NELL1: variants seen among roughly 807,000 people sequenced by gnomAD.
NELL1 encodes neural EGFL like 1, also known as protein kinase C-binding protein NELL1.
In NELL1, 76 loss-of-function variants were observed where a neutral mutation model predicts 107.4. That is an observed-to-expected ratio of 0.71 (90% confidence interval 0.59 to 0.86). The LOEUF (loss-of-function observed/expected upper bound fraction) is 0.86. NELL1 is among the 40% of genes least tolerant of loss of function. The probability of loss-of-function intolerance (pLI) is 0.00; values close to 1 mark genes in which losing one functional copy is unlikely to be tolerated. For missense variants in NELL1, 1,024 were observed against 1,005.5 expected, an observed-to-expected ratio of 1.02 and a Z score of -0.25; for synonymous variants, 353 against 341.2, an observed-to-expected ratio of 1.03 and a Z score of -0.38.
intron 2 of NELL1, among the ~76,000 whole-genome samples, chr11:20,760,779 T>C (rs796950103): frequency 5.9e-5 from 9 of 152,252 alleles, no homozygotes; most frequent in African/African-American, 2.2e-4. Flanking sequence ...TTTTTATCTT[T>C]CTACTTTATT....
intron 15 of NELL1, among the ~76,000 whole-genome samples, chr11:21,461,713 C>G (rs1853904858): frequency 6.6e-6 from 1 of 152,176 alleles, no homozygotes; most frequent in East Asian, 1.9e-4. Flanking sequence ...GTTTAAGCAT[C>G]TTGCCTAAGC....
intron 3 of NELL1, among the ~76,000 whole-genome samples, chr11:20,803,732 T>C (rs1209633745): frequency 1.3e-5 from 2 of 152,196 alleles, no homozygotes; most frequent in African/African-American, 4.8e-5. Flanking sequence ...AGATTCAAAG[T>C]ATTGATCCTG....
At chr11:21,127,901 T>C (rs1256659089) in intron 13 of NELL1, among the ~76,000 whole-genome samples, 3 of 152,338 alleles carry the variant, frequency 2.0e-5, no homozygotes, top group Non-Finnish European at 2.9e-5. Flanking sequence ...GTTACTACAT[T>C]AGAGAAGTAT....
At chr11:21,312,101 A>C (rs1294904596) in intron 14 of NELL1, among the ~76,000 whole-genome samples, 1 of 152,282 alleles carries the variant, frequency 6.6e-6, no homozygotes, top group Admixed American at 6.6e-5. Context: ...CCCAGCCTCC[A>C]GAGAATTCAA....
intron 15 of NELL1, among the ~76,000 whole-genome samples, chr11:21,399,045 G>GAA (rs11450238): frequency 7.3e-5 from 11 of 149,908 alleles, no homozygotes; most frequent in South Asian, 2.1e-4. Flanking sequence ...TCTGAAGAAA[G>GAA]AAAAAAAAAA....
Position 20,857,231 on chromosome 11 carries a change from C to T in NELL1, c.506+9478C>T, listed in dbSNP as rs968169321. Among the ~76,000 whole-genome samples, 9 of 152,136 alleles carry T rather than the reference C, an allele frequency of 5.9e-5. No homozygotes were observed. In the Middle Eastern group the frequency reaches 0.01, roughly 172 times the overall value. On this transcript the variant is annotated intron_variant, in intron 4 of 19. Coordinates refer to ENST00000357134, the MANE Select transcript of NELL1 (RefSeq NM_006157.5). ...GAGCTGCAGAACCAGAGCAGGCAGC[C>T]GAGATAAAGGCAAACAGTGTGAGAG...
rs1850854455 is a variant in NELL1 at position 21,353,128 on chromosome 11, TAGTC to T, written c.1550-17722_1550-17719del. On this transcript the variant is annotated intron_variant, in intron 14 of 19. Coordinates refer to ENST00000357134, the MANE Select transcript of NELL1 (RefSeq NM_006157.5). ...ACTTCATTATAGCACCCTCAGGAAA[TAGTC>T]AGACAAGGCATCTTGCTTGATCCCT... Among the ~76,000 whole-genome samples, 4 of 152,070 alleles carry T rather than the reference TAGTC, an allele frequency of 2.6e-5. No individual in the cohort carries two copies. In the South Asian group the frequency reaches 6.2e-4, roughly 24 times the overall value.
intron 14 of NELL1, among the ~76,000 whole-genome samples, chr11:21,298,720 G>C (rs1432433394): frequency 6.6e-6 from 1 of 151,896 alleles, no homozygotes; most frequent in East Asian, 1.9e-4. Flanking sequence ...ATACCATCTG[G>C]ACCATTCGGT....
chr11:21,335,405 A>G (rs1028236985), intron 14 of NELL1, among the ~76,000 whole-genome samples: 4 of 151,956 alleles, frequency 2.6e-5, no homozygotes. Flanking sequence ...TATTTTATTT[A>G]GAGTGGGAAA....
chr11:21,514,283 C>T (rs1269720873), intron 15 of NELL1, among the ~76,000 whole-genome samples: 3 of 152,026 alleles, frequency 2.0e-5, no homozygotes, highest in African/African-American at 7.2e-5. Context: ...TTTTTAATTC[C>T]AAATTTTGTG....
At chr11:21,150,670 T>C (rs1856094553) in intron 13 of NELL1, among the ~76,000 whole-genome samples, 1 of 152,058 alleles carries the variant, frequency 6.6e-6, no homozygotes, top group African/African-American at 2.4e-5. Context: ...TCATCTGGGG[T>C]GGGCAATTTT....
chr11:21,435,575 AT>A (rs1853090664), intron 15 of NELL1, among the ~76,000 whole-genome samples: 1 of 149,856 alleles, frequency 6.7e-6, no homozygotes, highest in Admixed American at 6.6e-5. Flanking sequence ...TGATTATATG[AT>A]TTTTGTTCTT....
chr11:21,489,976 AT>A (rs775312010), intron 15 of NELL1, among the ~76,000 whole-genome samples: 16 of 152,230 alleles, frequency 1.1e-4, no homozygotes, highest in African/African-American at 2.9e-4. Flanking sequence ...AAGAAAAAAA[AT>A]ATCCACATCA....
intron 15 of NELL1, among the ~76,000 whole-genome samples, chr11:21,401,278 T>C (rs902793349): frequency 2.0e-5 from 3 of 151,862 alleles, no homozygotes; most frequent in Admixed American, 2.0e-4. Context: ...CTTGGTGATA[T>C]AAGTCTCCTG....
intron 2 of NELL1, among the ~76,000 whole-genome samples, chr11:20,759,358 G>T (rs1171380409): frequency 2.6e-5 from 4 of 152,218 alleles, no homozygotes; most frequent in African/African-American, 4.8e-5. Flanking sequence ...CGTGGAAGAA[G>T]AAGATCACAT....
chr11:21,491,897 C>T (rs1264153196), intron 15 of NELL1, among the ~76,000 whole-genome samples: 1 of 151,902 alleles, frequency 6.6e-6, no homozygotes, highest in Non-Finnish European at 1.5e-5. Context: ...GTAGTTCTCC[C>T]TGAAAAGGTC....
intron 5 of NELL1, among the ~76,000 whole-genome samples, chr11:20,901,822 A>G (rs1028628851): frequency 6.6e-6 from 1 of 152,148 alleles, no homozygotes; most frequent in Non-Finnish European, 1.5e-5. Context: ...AACTTGACAC[A>G]TAACTGATGT....
chr11:20,986,068 G>C (rs1290391634), intron 12 of NELL1, among the ~76,000 whole-genome samples: 3 of 151,632 alleles, frequency 2.0e-5, no homozygotes, highest in African/African-American at 7.3e-5. Context: ...TTTTTTTTTG[G>C]CTCACAGGCA....
chr11:21,374,997 G>A (rs1851441394), intron 15 of NELL1, among the ~76,000 whole-genome samples: 1 of 151,754 alleles, frequency 6.6e-6, no homozygotes, highest in Non-Finnish European at 1.5e-5. Flanking sequence ...GAAGAAGGCA[G>A]GAGTTTATGG....
Sources: gnomAD v4.1 joint callset for allele counts (sites outside exome capture counted in the v4.1 genomes callset) on GRCh38, gnomAD v4.1.1 for gene constraint, MANE v1.5 for transcripts, NCBI Gene and HGNC (gene_info 2026-07-23, HGNC 2026-07-21) for gene names.